COX7A2L: variants seen among roughly 807,000 people sequenced by gnomAD.
COX7A2L encodes cytochrome c oxidase subunit 7A2-like, mitochondrial.
In COX7A2L, 18 loss-of-function variants were observed where a neutral mutation model predicts 14.2. That is an observed-to-expected ratio of 1.27 (90% CI 0.88 to 1.88). The LOEUF is 1.88. Among genes scored for constraint, COX7A2L ranks in the 40% most tolerant of loss-of-function variants. COX7A2L has a pLI of 0.00. For synonymous variants in COX7A2L, 65 were observed against 57.4 expected (o/e 1.13, Z -0.60); for missense variants, 179 against 138.8 (o/e 1.29, Z -1.46).
rs1572801796 is a variant in COX7A2L, at chr2:42,360,844, T to G, written c.72+246A>C. ...AGACAAGTGACCCCGGGGGTCACCT[T>G]GACCCCTGCAGTGAGCCAGACCAAA... On this transcript the variant is annotated intron_variant, in intron 1 of 2. Coordinates refer to ENST00000234301, the MANE Select transcript of COX7A2L (RefSeq NM_004718.4). 4 of 549,806 alleles carry G rather than the reference T, an allele frequency of 7.3e-6. 1 individual carries two copies. The Admixed American group carries it at 9.9e-5, about 14-fold the overall frequency. The allele number at this position is 549,806 out of a possible 1,614,324, so 34.1% of individuals were successfully genotyped here.
chr2:42,347,291 G>A (rs999809412), downstream of COX7A2L, among the ~76,000 whole-genome samples: 5 of 146,976 alleles, frequency 3.4e-5, no homozygotes, highest in Non-Finnish European at 7.4e-5. Flanking sequence ...TGCTAGATAG[G>A]AATGTAAACC....
rs1025879693 is a variant in COX7A2L at position 42,338,755 on chromosome 2, A to G, written c.193-4886T>C. ...AGGCCTCAGGAAACAGTTTTCACTC[A>G]CAGGGAGAATTACTGCTTCCCATGA... On this transcript the variant is annotated intron_variant, in intron 2 of 2. Transcript: ENST00000468711. The surrounding 1 kb of genome is among the most constrained non-coding windows in gnomAD (Gnocchi z 4.4). Among the ~76,000 whole-genome samples the G allele has an allele frequency of 2.0e-5, 3 of 152,194 alleles. No individual in the cohort carries two copies.
upstream of COX7A2L, among the ~76,000 whole-genome samples, chr2:42,362,758 G>C (rs1363078022): frequency 6.6e-6 from 1 of 151,636 alleles, no homozygotes; most frequent in East Asian, 1.9e-4. Flanking sequence ...CCAGCCCAAA[G>C]TTGCCACTTT....
chr2:42,359,258 G>C (rs1220636321), intron 1 of COX7A2L: 1 of 152,154 alleles, frequency 6.6e-6, no homozygotes, highest in East Asian at 1.9e-4. Flanking sequence ...GTCAGAGCTG[G>C]TTCCATTTAC....
rs1386971933 is a variant in COX7A2L at position 42,353,467 on chromosome 2, C to A, written c.73-124G>T. 3 of 1,306,224 alleles carry A rather than the reference C, an allele frequency of 2.3e-6. No homozygotes were observed. In the Admixed American group the frequency reaches 7.2e-5, roughly 31 times the overall value. The allele number at this position is 1,306,224 out of a possible 1,614,324, so 80.9% of individuals were successfully genotyped here. ...TCTCTCCAACTTTCCCAGAGCAAAC[C>A]CTGTCAAGAACCCCTTGCCATTACG... On this transcript the variant is annotated intron_variant, in intron 1 of 2. Transcript: ENST00000234301.
downstream of COX7A2L, among the ~76,000 whole-genome samples, chr2:42,348,850 G>A (rs1300024482): frequency 2.0e-5 from 3 of 152,036 alleles, no homozygotes; most frequent in Admixed American, 6.6e-5. Flanking sequence ...CGTGAGAGGC[G>A]GAGATTGCAG....
At chr2:42,351,736 G>A (rs1395803114) in intron 2 of COX7A2L, among the ~76,000 whole-genome samples, 2 of 152,226 alleles carry the variant, frequency 1.3e-5, no homozygotes. Context: ...CACTTTGGGA[G>A]GCCGAGACAG....
upstream of COX7A2L, chr2:42,361,768 C>T (rs1394444614): frequency 6.6e-6 from 1 of 152,408 alleles, no homozygotes; most frequent in Non-Finnish European, 1.5e-5. Flanking sequence ...ACCTAGAGCA[C>T]CTCTTATCCA....
chr2:42,364,840 C>A (rs188219720), upstream of COX7A2L, among the ~76,000 whole-genome samples: 1 of 152,224 alleles, frequency 6.6e-6, no homozygotes, highest in East Asian at 1.9e-4. Flanking sequence ...AGCTTTATTG[C>A]GGTACAGGAT....
intron 1 of COX7A2L, chr2:42,359,834 C>T (rs1021252289): frequency 6.7e-6 from 1 of 148,274 alleles, no homozygotes; most frequent in Non-Finnish European, 1.5e-5. Context: ...CCGCAACTCC[C>T]CCACTAACCC....
chr2:42,350,053 T>C lies in COX7A2L; in HGVS notation c.*1166A>G, dbSNP rs1572789432. The C allele has an allele frequency of 7.0e-6, 1 of 142,984 alleles. No homozygotes were observed. Among genetic ancestry groups the C allele is most frequent in the Non-Finnish European group, 1.5e-5 (1 of 64,988 alleles). The allele number at this position is 142,984 out of a possible 1,614,324, so 8.9% of individuals were successfully genotyped here. ...GGAGGAAATACCAGAGAATAAAATT[T>C]AGATTTGCAGAGAGAGAGAGAGAGA... On this transcript the variant is annotated 3_prime_UTR_variant, in exon 3 of 3. Transcript: ENST00000234301.
chr2:42,339,987 C>T lies in COX7A2L; in HGVS notation c.193-6118G>A, dbSNP rs1469301784. ...TTCTATTTCCTCACTCCCACACGAC[C>T]CTCTGAACAATGTCGCAGACACCCC... On this transcript the variant is annotated intron_variant, in intron 2 of 2. Coordinates refer to the COX7A2L transcript ENST00000468711. The surrounding 1 kb of genome is among the most constrained non-coding windows in gnomAD (Gnocchi z 5.4). Among the ~76,000 whole-genome samples, 3 of 152,138 alleles carry T rather than the reference C, an allele frequency of 2.0e-5. No homozygotes were observed.
chr2:42,346,262 C>A (rs55978605), downstream of COX7A2L, among the ~76,000 whole-genome samples: 23,348 of 152,166 alleles, frequency 0.15, 1,864 homozygotes, highest in African/African-American at 0.2. Flanking sequence ...CAGAATTAAA[C>A]AGCTGCATAA....
intron 2 of COX7A2L, among the ~76,000 whole-genome samples, chr2:42,336,308 A>G (rs996038523): frequency 1.3e-5 from 2 of 152,156 alleles, no homozygotes; most frequent in African/African-American, 4.8e-5. Context: ...CATCCATTTG[A>G]CAGACAGATG....
chr2:42,337,780 TA>T (rs1670313720), intron 2 of COX7A2L, among the ~76,000 whole-genome samples: 1 of 152,214 alleles, frequency 6.6e-6, no homozygotes, highest in Admixed American at 6.5e-5. Flanking sequence ...ACCTTCTTTT[TA>T]TGCTTTTGAA....
intron 1 of COX7A2L, among the ~76,000 whole-genome samples, chr2:42,355,419 T>C (rs555067245): frequency 6.6e-6 from 1 of 152,352 alleles, no homozygotes; most frequent in East Asian, 1.9e-4. Context: ...AGTAAATTCA[T>C]GTTTCGACAG....
At chr2:42,358,835 A>G (rs1240871477) in intron 1 of COX7A2L, among the ~76,000 whole-genome samples, 1 of 152,190 alleles carries the variant, frequency 6.6e-6, no homozygotes, top group Non-Finnish European at 1.5e-5. Context: ...CTGAAGATAT[A>G]TTAAAAGAAC....
exon 1 of COX7A2L, chr2:42,368,882 C>T (rs1671217433): frequency 6.6e-6 from 1 of 152,238 alleles, no homozygotes; most frequent in South Asian, 2.1e-4. Context: ...TCAATAACAA[C>T]TCCAGTTAGT....
intron 2 of COX7A2L, among the ~76,000 whole-genome samples, chr2:42,336,287 T>C (rs1278294731): frequency 6.6e-6 from 1 of 152,166 alleles, no homozygotes; most frequent in Non-Finnish European, 1.5e-5. Context: ...AAATAGATTT[T>C]CCTGAGGAGC....
Sources: gnomAD v4.1 joint callset for allele counts (sites outside exome capture counted in the v4.1 genomes callset) on GRCh38, gnomAD v4.1.1 for gene constraint, Gnocchi (gnomAD v3.1) non-coding constraint, MANE v1.5 for transcripts, NCBI Gene and HGNC (gene_info 2026-07-23, HGNC 2026-07-21) for gene names.